CNBD1: variants seen among roughly 807,000 people sequenced by gnomAD.
CNBD1 encodes cyclic nucleotide binding domain containing 1, also known as cyclic nucleotide-binding domain-containing protein 1.
A neutral mutation model predicts 54.4 loss-of-function variants in CNBD1; 71 were observed. That is an observed-to-expected ratio of 1.30 (90% CI 1.08 to 1.59). The LOEUF (loss-of-function observed/expected upper bound fraction) is 1.59. Ranked by LOEUF, CNBD1 falls within the 40% of genes most tolerant of loss-of-function variation. CNBD1 has a pLI of 0.00. For synonymous variants in CNBD1, 182 were observed against 170.7 expected (o/e 1.07, Z -0.51); for missense variants, 659 against 518.0 (o/e 1.27, Z -2.64).
At chr8:87,037,275 T>C (rs1423948602) in intron 4 of CNBD1, among the ~76,000 whole-genome samples, 1 of 152,176 alleles carries the variant, frequency 6.6e-6, no homozygotes, top group Non-Finnish European at 1.5e-5. Flanking sequence ...TTTTAGGATT[T>C]TTTTTCTAGA....
At chr8:87,312,257 C>T (rs779118119) in intron 8 of CNBD1, among the ~76,000 whole-genome samples, 5 of 151,992 alleles carry the variant, frequency 3.3e-5, no homozygotes, top group Non-Finnish European at 7.4e-5. Context: ...AAAATGATTC[C>T]TTGTTGCAAG....
At chr8:87,046,041 A>AT (rs1451896845) in intron 4 of CNBD1, among the ~76,000 whole-genome samples, 10 of 103,276 alleles carry the variant, frequency 9.7e-5, no homozygotes, top group South Asian at 3.0e-4. Flanking sequence ...ACTTCCTCTC[A>AT]TAAAAAAAAA....
chr8:87,009,761 C>T (rs1444278860), intron 4 of CNBD1, among the ~76,000 whole-genome samples: 2 of 152,150 alleles, frequency 1.3e-5, no homozygotes, highest in Non-Finnish European at 2.9e-5. Context: ...TTCTTTATAG[C>T]TCACATCTTC....
In CNBD1 at chr8:87,016,955, C is replaced by A. The variant is rs758063482; in HGVS notation, c.431+77201C>A. Reference sequence around the variant, plus strand: ...AACTGGGATATCCTCCCACCTAATACGTCTGTTACCCACGTCATGGTAAAT... The same window carrying A: ...AACTGGGATATCCTCCCACCTAATAAGTCTGTTACCCACGTCATGGTAAAT... On this transcript the variant is annotated intron_variant, in intron 4 of 10. Transcript: ENST00000518476. Among the ~76,000 whole-genome samples the A allele has an allele frequency of 2.0e-4, 31 of 152,282 alleles. No individual in the cohort carries two copies. In the South Asian group the frequency reaches 2.1e-3, roughly 10 times the overall value.
At chr8:87,422,440 T>A (rs1291000289) in intron 2 of CNBD1, among the ~76,000 whole-genome samples, 1 of 150,576 alleles carries the variant, frequency 6.6e-6, no homozygotes. Context: ...CATCTTGAAT[T>A]GATTTTTGTA....
At position 87,243,683 on chromosome 8, in the gene CNBD1, A is replaced by G. The variant is rs117878562; in HGVS notation, c.771+6571A>G. ...CACAACTACTATAAAAAACAAAATG[A>G]ACGGCAACTAGAAAAATAAGTTTTC... On this transcript the variant is annotated intron_variant, in intron 6 of 10. Coordinates refer to ENST00000518476, the MANE Select transcript of CNBD1 (RefSeq NM_173538.3). Among the ~76,000 whole-genome samples the G allele has an allele frequency of 7.0e-4, 107 of 152,324 alleles. No individual in the cohort carries two copies. The East Asian group carries it at 0.019, about 27-fold the overall frequency.
chr8:87,302,060 C>A (rs1809010489), intron 8 of CNBD1, among the ~76,000 whole-genome samples: 1 of 152,132 alleles, frequency 6.6e-6, no homozygotes, highest in Non-Finnish European at 1.5e-5. Flanking sequence ...ACCAGAGGTA[C>A]AAGGAGGAGC....
intron 5 of CNBD1, among the ~76,000 whole-genome samples, chr8:87,206,956 G>T (rs1768464974): frequency 7.0e-6 from 1 of 142,230 alleles, no homozygotes; most frequent in Non-Finnish European, 1.6e-5. Context: ...AGTACAAACT[G>T]GTTTATCAAG....
At chr8:87,150,175 AAAAAAC>A (rs907884437) in intron 4 of CNBD1, among the ~76,000 whole-genome samples, 14 of 132,206 alleles carry the variant, frequency 1.1e-4, no homozygotes, top group South Asian at 8.7e-4. Flanking sequence ...AGACTCTGTC[AAAAAAC>A]AAAAACAAAA....
intron 5 of CNBD1, among the ~76,000 whole-genome samples, chr8:87,220,134 G>A (rs1814298909): frequency 6.6e-6 from 1 of 151,864 alleles, no homozygotes; most frequent in Admixed American, 6.6e-5. Flanking sequence ...ATTCCTTTAT[G>A]CAATCGCCAA....
At chr8:86,966,665 G>A (rs915005398) in intron 4 of CNBD1, among the ~76,000 whole-genome samples, 3 of 152,176 alleles carry the variant, frequency 2.0e-5, no homozygotes, top group African/African-American at 4.8e-5. Context: ...AAGGTGGCGC[G>A]TCTGGAGTTG....
At chr8:87,423,440 A>T (rs908018154) in intron 2 of CNBD1, among the ~76,000 whole-genome samples, 1 of 151,720 alleles carries the variant, frequency 6.6e-6, no homozygotes, top group African/African-American at 2.4e-5. Context: ...ATTATTTTGA[A>T]ATATGTCCCA....
chr8:87,311,655 T>C (rs1236872684), intron 8 of CNBD1, among the ~76,000 whole-genome samples: 1 of 152,150 alleles, frequency 6.6e-6, no homozygotes, highest in Admixed American at 6.6e-5. Flanking sequence ...TGTATGTTCA[T>C]TGCAGTACTA....
chr8:87,257,614 A>C (rs1808048471), intron 6 of CNBD1, among the ~76,000 whole-genome samples: 1 of 152,118 alleles, frequency 6.6e-6, no homozygotes, highest in Admixed American at 6.6e-5. Flanking sequence ...AGCTTTAAGG[A>C]CTCAGGAAGG....
chr8:87,419,371 G>C (rs1199805968), intron 2 of CNBD1, among the ~76,000 whole-genome samples: 1 of 151,818 alleles, frequency 6.6e-6, no homozygotes, highest in Non-Finnish European at 1.5e-5. Context: ...TCTGGAATTA[G>C]ATATGGTTCC....
At chr8:87,223,324 C>G (rs758914241) in intron 5 of CNBD1, among the ~76,000 whole-genome samples, 21 of 151,330 alleles carry the variant, frequency 1.4e-4, no homozygotes, top group Admixed American at 6.6e-4. Context: ...ATGTGCCATG[C>G]TGGTGTGCTG....
intron 4 of CNBD1, among the ~76,000 whole-genome samples, chr8:87,028,805 T>A (rs150840326): frequency 6.6e-6 from 1 of 152,328 alleles, no homozygotes; most frequent in African/African-American, 2.4e-5. Flanking sequence ...AATGTAAGTT[T>A]CAAGCTTTAA....
intron 4 of CNBD1, among the ~76,000 whole-genome samples, chr8:86,962,059 A>C (rs1369789195): frequency 1.3e-5 from 2 of 152,208 alleles, no homozygotes; most frequent in Non-Finnish European, 1.5e-5. Context: ...AGATTTTGAG[A>C]GGGATACATC....
chr8:87,089,952 G>A (rs1050739929), intron 4 of CNBD1, among the ~76,000 whole-genome samples: 1 of 151,934 alleles, frequency 6.6e-6, no homozygotes, highest in Non-Finnish European at 1.5e-5. Context: ...AATTCAGGTT[G>A]GACAATATTT....
Sources: allele counts gnomAD v4.1 joint callset (sites outside exome capture counted in the v4.1 genomes callset), GRCh38; gene constraint gnomAD v4.1.1; transcripts MANE v1.5; gene names NCBI Gene and HGNC (gene_info 2026-07-23, HGNC 2026-07-21).